The following LMNTD1 variants were observed in gnomAD, a reference collection of about 807,000 sequenced individuals.
LMNTD1 encodes lamin tail domain-containing protein 1.
In LMNTD1, 35 loss-of-function variants were observed where a neutral mutation model predicts 50.9. The ratio of observed to expected loss-of-function variants is 0.69; its 90% CI spans 0.53 to 0.91. The LOEUF is 0.91. LMNTD1 is among the 40% of genes least tolerant of loss of function. The pLI is 0.00. For synonymous variants in LMNTD1, 153 were observed against 161.9 expected, an observed-to-expected ratio of 0.94 and a Z score of 0.42; for missense variants, 470 against 475.5, an observed-to-expected ratio of 0.99 and a Z score of 0.11.
intron 1 of LMNTD1, among the ~76,000 whole-genome samples, chr12:25,589,657 T>C (rs1033632620): frequency 6.6e-6 from 1 of 152,228 alleles, no homozygotes; most frequent in Non-Finnish European, 1.5e-5. Context: ...ATTAGGAATT[T>C]GATTATTGTT....
chr12:25,620,860 C>T (rs931386427), intron 1 of LMNTD1, among the ~76,000 whole-genome samples: 1 of 152,156 alleles, frequency 6.6e-6, no homozygotes, highest in Non-Finnish European at 1.5e-5. Flanking sequence ...TTTATACGCG[C>T]TCTACCATCG....
chr12:25,537,066 C>T (rs935734365), intron 4 of LMNTD1, among the ~76,000 whole-genome samples: 3 of 152,172 alleles, frequency 2.0e-5, no homozygotes, highest in Admixed American at 6.5e-5. Context: ...ACACCTGGCT[C>T]GGAGGGTCCT....
At chr12:25,512,754 G>A (rs1308996474) in intron 8 of LMNTD1, among the ~76,000 whole-genome samples, 1 of 152,058 alleles carries the variant, frequency 6.6e-6, no homozygotes, top group Non-Finnish European at 1.5e-5. Context: ...GACAAAGAGG[G>A]CAATTATGGC....
intron 1 of LMNTD1, among the ~76,000 whole-genome samples, chr12:25,591,423 T>C (rs1945692200): frequency 6.6e-6 from 1 of 151,236 alleles, no homozygotes; most frequent in East Asian, 2.0e-4. Context: ...TCCTCTGCCT[T>C]TGGAAAGGGG....
chr12:25,527,213 G>T (rs1435443731), intron 4 of LMNTD1, among the ~76,000 whole-genome samples: 2 of 151,982 alleles, frequency 1.3e-5, no homozygotes, highest in East Asian at 1.9e-4. Context: ...AGGTGTCAAG[G>T]TATAAAAGCC....
chr12:25,570,839 C>T (rs1463599627), intron 1 of LMNTD1, among the ~76,000 whole-genome samples: 2 of 152,246 alleles, frequency 1.3e-5, no homozygotes, highest in African/African-American at 4.8e-5. Flanking sequence ...CTCTGCAGTA[C>T]ATTAATACTA....
At chr12:25,604,881 T>A (rs535523400) in intron 1 of LMNTD1, among the ~76,000 whole-genome samples, 2 of 152,286 alleles carry the variant, frequency 1.3e-5, no homozygotes, top group South Asian at 4.1e-4. Context: ...GATGACTGGG[T>A]CAAATGGTAT....
At chr12:25,492,056 A>G (rs1475072613) in intron 9 of LMNTD1, among the ~76,000 whole-genome samples, 1 of 152,236 alleles carries the variant, frequency 6.6e-6, no homozygotes, top group Non-Finnish European at 1.5e-5. Flanking sequence ...ATTTCAAACT[A>G]TGGGAAAGTA....
chr12:25,518,415 T>C (rs1021615372), intron 8 of LMNTD1, among the ~76,000 whole-genome samples: 8 of 152,192 alleles, frequency 5.3e-5, no homozygotes, highest in Non-Finnish European at 1.0e-4. Flanking sequence ...CATTAGAGTG[T>C]GTTTGGAAAA....
intron 9 of LMNTD1, among the ~76,000 whole-genome samples, chr12:25,499,230 C>G (rs756329388): frequency 6.6e-6 from 1 of 152,066 alleles, no homozygotes; most frequent in Non-Finnish European, 1.5e-5. Context: ...TGCCAACACA[C>G]CCGGCTGTTT....
chr12:25,526,938 T>C lies in LMNTD1; in HGVS notation c.509A>G (p.Glu170Gly). Residue 170 changes from glutamate (E) to glycine (G), a missense_variant, in exon 5 of 10, where the codon GAA becomes GGA. Physicochemically the swap from Glu to Gly is moderately conservative, Grantham distance 98. Transcript: ENST00000458174. ...ACCCTTGACATTCACTTCAGCTATT[T>C]CAACATCTCCAAGAGAACTAGAAAA... ...QFTSSSLGDV[E>G]IAEVNVKGLF... The C allele has an allele frequency of 6.2e-7, 1 of 1,607,198 alleles. No homozygotes were observed. The highest frequency in any genetic ancestry group is 8.5e-7 in the Non-Finnish European group (1 of 1,176,936).
chr12:25,615,651 G>T (rs1946339370), intron 1 of LMNTD1, among the ~76,000 whole-genome samples: 1 of 151,992 alleles, frequency 6.6e-6, no homozygotes, highest in African/African-American at 2.4e-5. Flanking sequence ...GGTAGAGACA[G>T]GGTTTCAACA....
At chr12:25,577,170 T>G (rs1188050167) in intron 1 of LMNTD1, among the ~76,000 whole-genome samples, 1 of 152,248 alleles carries the variant, frequency 6.6e-6, no homozygotes, top group East Asian at 1.9e-4. Context: ...GTCTTGGCAA[T>G]GCAGTCTCTT....
In LMNTD1 at chr12:25,530,136, T is replaced by C. The variant is rs141146578; in HGVS notation, c.492-3181A>G. 4.3e-4 allele frequency among the ~76,000 whole-genome samples: 65 copies of C among 152,354 alleles called. No homozygotes were observed. In the East Asian group the frequency reaches 9.7e-3, roughly 23 times the overall value. On this transcript the variant is annotated intron_variant, in intron 4 of 9. Transcript: ENST00000458174. ...GCTTATTGGCTACTCAGTTTTCCTC[T>C]TTGATGAACTGCATGTTCATATCAT...
At chr12:25,605,084 T>G (rs1592096099) in intron 1 of LMNTD1, among the ~76,000 whole-genome samples, 2 of 152,350 alleles carry the variant, frequency 1.3e-5, no homozygotes, top group African/African-American at 4.8e-5. Context: ...TGATTTGCAT[T>G]TCTCTGATGG....
chr12:25,553,361 A>C (rs1182992693), upstream of LMNTD1: 1 of 789,458 alleles, frequency 1.3e-6, no homozygotes, highest in African/African-American at 1.8e-5. Flanking sequence ...CAGTTTCTGA[A>C]CAATTCCTAT....
chr12:25,514,674 T>C (rs1487957380), intron 8 of LMNTD1, among the ~76,000 whole-genome samples: 2 of 152,302 alleles, frequency 1.3e-5, no homozygotes, highest in East Asian at 1.9e-4. Flanking sequence ...TGTAATTGGA[T>C]TGTTTGTAAC....
chr12:25,590,444 C>A (rs1215288983), intron 1 of LMNTD1, among the ~76,000 whole-genome samples: 1 of 152,148 alleles, frequency 6.6e-6, no homozygotes, highest in Non-Finnish European at 1.5e-5. Flanking sequence ...TGCTCTGGGG[C>A]CCTTAATAAA....
chr12:25,617,412 G>C (rs1221609953), intron 1 of LMNTD1, among the ~76,000 whole-genome samples: 1 of 152,158 alleles, frequency 6.6e-6, no homozygotes, highest in East Asian at 1.9e-4. Context: ...GTCTACTGTA[G>C]ACAAGAGGGG....
Sources: gnomAD v4.1 joint callset for allele counts (sites outside exome capture counted in the v4.1 genomes callset) on GRCh38, gnomAD v4.1.1 for gene constraint, MANE v1.5 for transcripts, NCBI Gene and HGNC (gene_info 2026-07-23, HGNC 2026-07-21) for gene names.